RAPGEF4: variants seen among roughly 807,000 people sequenced by gnomAD.
The protein encoded by RAPGEF4 is Rap guanine nucleotide exchange factor 4, also known as RAP guanine-nucleotide-exchange factor (GEF) 4.
In RAPGEF4, 66 loss-of-function variants were observed where a neutral mutation model predicts 147.9. That is an observed-to-expected ratio of 0.45 (90% CI 0.37 to 0.55). The LOEUF (loss-of-function observed/expected upper bound fraction) is 0.55, where lower values mean the gene tolerates loss of function less well. Ranked by LOEUF, RAPGEF4 falls within the 20% of genes least tolerant of loss-of-function variation. The pLI, the probability that RAPGEF4 is intolerant of heterozygous loss-of-function variation, is 0.00. For missense variants in RAPGEF4, 1,071 were observed against 1,257.3 expected, an observed-to-expected ratio of 0.85 and a Z score of 2.24; for synonymous variants, 419 against 442.7, an observed-to-expected ratio of 0.95 and a Z score of 0.67.
At position 173,017,523 on chromosome 2, in the gene RAPGEF4, C is replaced by T; in HGVS notation, c.2008+19C>T. The T allele has an allele frequency of 6.3e-7, 1 of 1,596,932 alleles. No individual in the cohort carries two copies. The highest frequency in any genetic ancestry group is 1.1e-5 in the South Asian group (1 of 90,730). On this transcript the variant is annotated intron_variant, in intron 21 of 30. Coordinates refer to ENST00000397081, the MANE Select transcript of RAPGEF4 (RefSeq NM_007023.4). ...GATGAAGGTGAGAACCCTCTTCCAA[C>T]TAACTCGTAGTTGTATAGATTATTT...
chr2:172,997,465 G>A (rs1343405362), intron 16 of RAPGEF4, among the ~76,000 whole-genome samples: 3 of 152,210 alleles, frequency 2.0e-5, no homozygotes, highest in South Asian at 2.1e-4. Context: ...TCTTTTTGGG[G>A]GGATACAATT....
rs192135825 is a variant in RAPGEF4 at position 172,738,718 on chromosome 2, G to A, written c.65+2670G>A. Among the ~76,000 whole-genome samples, 800 of 152,256 alleles carry A rather than the reference G, an allele frequency of 5.3e-3. 7 individuals carry two copies. Among genetic ancestry groups the A allele is most frequent in the African/African-American group, 0.018 (756 of 41,538 alleles). On this transcript the variant is annotated intron_variant, in intron 1 of 30. Coordinates refer to ENST00000397081, the MANE Select transcript of RAPGEF4 (RefSeq NM_007023.4). ...ACAATGAACCCATGTGGGTTCACTT[G>A]GGAATATGATGCTGGGACCTTTCAA...
chr2:172,967,325 G>C lies in RAPGEF4; in HGVS notation c.885G>C (p.Glu295Asp), dbSNP rs1394636092. 4 of 1,612,178 alleles carry C rather than the reference G, an allele frequency of 2.5e-6. No homozygotes were observed. The highest frequency in any genetic ancestry group is 3.4e-6 in the Non-Finnish European group (4 of 1,179,778). Residue 295 changes from glutamate to aspartate, a missense_variant, in exon 10 of 31, where the codon GAG (glutamate) becomes GAC (aspartate). By Grantham distance (45) the Glu-to-Asp change is conservative. Coordinates refer to ENST00000397081, the MANE Select transcript of RAPGEF4 (RefSeq NM_007023.4). ...LFYRFLDDEH[E>D]DAPLPTEEEK... ...ATCGATTTCTGGATGATGAGCACGA[G>C]GATGCCCCTTTGCCTACTGAGGAGG...
At chr2:172,980,028 A>T (rs1691510508) in intron 10 of RAPGEF4, among the ~76,000 whole-genome samples, 1 of 152,218 alleles carries the variant, frequency 6.6e-6, no homozygotes, top group Non-Finnish European at 1.5e-5. Context: ...TCACTTAGGA[A>T]AGATGACATT....
chr2:172,960,684 A>C (rs1348013095), intron 6 of RAPGEF4, 76 bp from the exon 7 acceptor site: 2 of 996,710 alleles, frequency 2.0e-6, no homozygotes, highest in African/African-American at 3.3e-5. Context: ...GATGTTTCTT[A>C]TTATCCCCCA....
intron 3 of RAPGEF4, among the ~76,000 whole-genome samples, chr2:172,806,015 CTGTGTGTGTGTGTGTGTGTG>C (rs36226317): frequency 8.9e-5 from 13 of 145,322 alleles, no homozygotes; most frequent in East Asian, 4.0e-4. Flanking sequence ...TATTATCCGG[CTGTGTGTGTGTGTGTGTGTG>C]TGTGTGTGTG....
intron 6 of RAPGEF4, among the ~76,000 whole-genome samples, chr2:172,937,927 G>A (rs1317574416): frequency 6.6e-6 from 1 of 151,790 alleles, no homozygotes; most frequent in African/African-American, 2.4e-5. Flanking sequence ...CTTTCCCTTG[G>A]CTCCTGTATT....
intron 1 of RAPGEF4, among the ~76,000 whole-genome samples, chr2:172,740,895 A>C (rs1343840715): frequency 6.6e-6 from 1 of 152,252 alleles, no homozygotes; most frequent in Non-Finnish European, 1.5e-5. Context: ...ATTTGACAAT[A>C]AGATCTGTCA....
At chr2:173,028,639 A>G (rs748023109) in intron 25 of RAPGEF4, among the ~76,000 whole-genome samples, 3 of 152,118 alleles carry the variant, frequency 2.0e-5, no homozygotes, top group Non-Finnish European at 4.4e-5. Context: ...TTCAGTATAA[A>G]TTAGTTTATG....
intron 10 of RAPGEF4, among the ~76,000 whole-genome samples, chr2:172,968,782 A>G (rs1216554471): frequency 6.6e-6 from 1 of 152,222 alleles, no homozygotes; most frequent in Non-Finnish European, 1.5e-5. Context: ...CTGAAGGATC[A>G]TAGGAGAGCA....
intron 6 of RAPGEF4, among the ~76,000 whole-genome samples, chr2:172,955,569 A>T (rs1380616044): frequency 6.6e-6 from 1 of 152,178 alleles, no homozygotes; most frequent in Admixed American, 6.5e-5. Context: ...ATGCTCAGGT[A>T]GGGAGGAAGA....
intron 10 of RAPGEF4, among the ~76,000 whole-genome samples, chr2:172,973,735 C>T (rs1301853771): frequency 6.6e-6 from 1 of 152,146 alleles, no homozygotes; most frequent in African/African-American, 2.4e-5. Context: ...AGGTTGGTTT[C>T]TCTGCTATCT....
At chr2:172,801,488 G>A (rs965254974) in intron 3 of RAPGEF4, among the ~76,000 whole-genome samples, 2 of 152,224 alleles carry the variant, frequency 1.3e-5, no homozygotes, top group African/African-American at 4.8e-5. Context: ...CAGGATGGTG[G>A]AAGAAGAGCG....
chr2:172,934,308 C>T (rs567987695), intron 6 of RAPGEF4, among the ~76,000 whole-genome samples: 2 of 152,060 alleles, frequency 1.3e-5, no homozygotes, highest in South Asian at 4.2e-4. Flanking sequence ...TACCACCATG[C>T]CCGGCTAATT....
At chr2:172,748,619 G>T (rs879270110) in intron 1 of RAPGEF4, among the ~76,000 whole-genome samples, 16 of 152,114 alleles carry the variant, frequency 1.1e-4, no homozygotes, top group Non-Finnish European at 1.6e-4. Flanking sequence ...AGATTTGGGT[G>T]GGGACACAGC....
chr2:173,018,925 T>C, intron 22 of RAPGEF4, 123 bp downstream of exon 22: 1 of 1,074,276 alleles, frequency 9.3e-7, no homozygotes, highest in South Asian at 1.5e-5. Flanking sequence ...TGCTTATGTA[T>C]GCTTCCACTA....
chr2:172,921,790 C>G (rs866986958), intron 5 of RAPGEF4, among the ~76,000 whole-genome samples: 1 of 152,226 alleles, frequency 6.6e-6, no homozygotes, highest in Non-Finnish European at 1.5e-5. Flanking sequence ...TTGGAGATAG[C>G]AGGAATTTGC....
In RAPGEF4 at chr2:172,879,718, C is replaced by T. The variant is rs560555564; in HGVS notation, c.445-38084C>T. The stretch of plus-strand genomic sequence containing the variant: ...CTCAGAGGCTGAGGTGGGAGGATCA[C>T]TTGAACCTAGAAGGTCAAGGCTGCA... On this transcript the variant is annotated intron_variant, in intron 4 of 30. Coordinates refer to ENST00000397081, the MANE Select transcript of RAPGEF4 (RefSeq NM_007023.4). 4.6e-5 allele frequency among the ~76,000 whole-genome samples: 7 copies of T among 152,222 alleles called. No homozygotes were observed. In the South Asian group the frequency reaches 1.5e-3, roughly 32 times the overall value.
intron 8 of RAPGEF4, among the ~76,000 whole-genome samples, chr2:172,962,885 G>A (rs372766966): frequency 6.6e-6 from 1 of 152,068 alleles, no homozygotes; most frequent in East Asian, 1.9e-4. Flanking sequence ...CTAGTCTGTC[G>A]ACCTGTATTA....
Sources: gnomAD v4.1 joint callset for allele counts (sites outside exome capture counted in the v4.1 genomes callset) on GRCh38, gnomAD v4.1.1 for gene constraint, MANE v1.5 for transcripts, NCBI Gene and HGNC (gene_info 2026-07-23, HGNC 2026-07-21) for gene names.